RABL3: variants seen among roughly 807,000 people sequenced by gnomAD.
The protein encoded by RABL3 is RAB, member of RAS oncogene family like 3, also known as rab-like protein 3.
In RABL3, 31 loss-of-function variants were observed where a neutral mutation model predicts 31.8. That is an observed-to-expected ratio of 0.97 (90% confidence interval 0.73 to 1.31). The LOEUF is 1.31. Among genes scored for constraint, RABL3 ranks in the 40% most tolerant of loss-of-function variants. The pLI, the probability that RABL3 is intolerant of heterozygous loss-of-function variation, is 0.00. For missense variants in RABL3, 263 were observed against 279.6 expected (o/e 0.94, Z 0.42); for synonymous variants, 97 against 99.9 (o/e 0.97, Z 0.18).
intron 1 of RABL3, among the ~76,000 whole-genome samples, chr3:120,739,039 A>G (rs1709008950): frequency 6.6e-6 from 1 of 152,168 alleles, no homozygotes; most frequent in African/African-American, 2.4e-5. Context: ...CCTCAACAGT[A>G]TCATGTAGTT....
intron 6 of RABL3, among the ~76,000 whole-genome samples, chr3:120,693,877 T>C (rs1241641306): frequency 1.3e-5 from 2 of 152,066 alleles, no homozygotes; most frequent in Non-Finnish European, 2.9e-5. Flanking sequence ...AATGGGTAAG[T>C]AGAAATTCTT....
rs138755688 is a variant in RABL3 at position 120,695,205 on chromosome 3, C to G, written c.535-981G>C. ...CCACATGATTCCTTTCTAATGAAGC[C>G]TCCTATTTTATTCATATGCAACATT... is the stretch of plus-strand genomic sequence containing the variant. On this transcript the variant is annotated intron_variant, in intron 5 of 7. Transcript: ENST00000273375. 3.7e-3 allele frequency among the ~76,000 whole-genome samples: 566 copies of G among 152,070 alleles called. 9 individuals are homozygous for G. The highest frequency in any genetic ancestry group is 0.017 in the East Asian group (90 of 5,182).
rs1055129511 is a variant in RABL3 at position 120,685,958 on chromosome 3, T to C, written c.*3865A>G. On this transcript the variant is annotated 3_prime_UTR_variant, in exon 8 of 8. Transcript: ENST00000273375. The stretch of plus-strand genomic sequence containing the variant: ...GGGGATTCTTACACACTTCAGAGTT[T>C]GAAAGCCCTCCATGTGAGTCCTTAA... Among the ~76,000 whole-genome samples, 2 of 152,232 alleles carry C rather than the reference T, an allele frequency of 1.3e-5. No individual in the cohort carries two copies. Among genetic ancestry groups the C allele is most frequent in the Non-Finnish European group, 2.9e-5 (2 of 68,044 alleles).
intron 2 of RABL3, among the ~76,000 whole-genome samples, chr3:120,718,434 T>G (rs1005283721): frequency 9.9e-5 from 15 of 152,230 alleles, no homozygotes; most frequent in African/African-American, 3.4e-4. Flanking sequence ...TGTACTAGCT[T>G]CCTATTAGCA....
intron 2 of RABL3, chr3:120,710,214 C>CAGA (rs1708597546): frequency 5.4e-6 from 1 of 185,922 alleles, no homozygotes; most frequent in Admixed American, 5.6e-5. Flanking sequence ...TTGTATTCAT[C>CAGA]TGACAAAATT....
chr3:120,729,556 A>G (rs191599969), intron 2 of RABL3, among the ~76,000 whole-genome samples: 1 of 152,354 alleles, frequency 6.6e-6, no homozygotes, highest in Admixed American at 6.5e-5. Context: ...AATTATTAAA[A>G]TAAAAAGCAG....
intron 1 of RABL3, among the ~76,000 whole-genome samples, chr3:120,741,371 G>A (rs1305923700): frequency 6.6e-6 from 1 of 152,200 alleles, no homozygotes; most frequent in Non-Finnish European, 1.5e-5. Flanking sequence ...AGGGCAATGT[G>A]AAAACATTCT....
At chr3:120,733,482 G>A (rs1708913988) in intron 1 of RABL3, among the ~76,000 whole-genome samples, 1 of 151,788 alleles carries the variant, frequency 6.6e-6, no homozygotes, top group African/African-American at 2.4e-5. Context: ...TGAGTAGATT[G>A]CAAACATTTT....
intron 1 of RABL3, among the ~76,000 whole-genome samples, chr3:120,739,227 A>C (rs892323699): frequency 1.3e-5 from 2 of 152,102 alleles, no homozygotes; most frequent in African/African-American, 4.8e-5. Context: ...AAATACAAAA[A>C]TTAGCTGGGC....
chr3:120,740,638 G>A (rs6438593), intron 1 of RABL3, among the ~76,000 whole-genome samples: 2,805 of 152,178 alleles, frequency 0.018, 101 homozygotes, highest in African/African-American at 0.063. Flanking sequence ...ATAAACTTTC[G>A]GGTTTGAAAG....
At chr3:120,742,527 G>A (rs1381844283), upstream of RABL3, 23 of 1,613,698 alleles carry the variant, frequency 1.4e-5, no homozygotes, top group Non-Finnish European at 1.7e-5. Flanking sequence ...GCCTTCCCTG[G>A]GTTAACGCCT....
intron 1 of RABL3, chr3:120,738,808 T>C (rs1382567167): frequency 6.6e-6 from 1 of 152,190 alleles, no homozygotes; most frequent in Non-Finnish European, 1.5e-5. Context: ...TCCATTATTA[T>C]TAGATATTTA....
At chr3:120,695,075 C>G (rs181030220) in intron 5 of RABL3, among the ~76,000 whole-genome samples, 26 of 151,870 alleles carry the variant, frequency 1.7e-4, no homozygotes, top group African/African-American at 6.3e-4. Context: ...ATGTAAGCTC[C>G]TTTGCAAGTA....
intron 1 of RABL3, among the ~76,000 whole-genome samples, chr3:120,733,545 C>G (rs530774858): frequency 6.6e-6 from 1 of 152,216 alleles, no homozygotes; most frequent in Admixed American, 6.5e-5. Flanking sequence ...TTTTGCTGTG[C>G]AGAAGCTAGT....
At chr3:120,733,221 C>G (rs1026146256) in intron 1 of RABL3, among the ~76,000 whole-genome samples, 1 of 152,146 alleles carries the variant, frequency 6.6e-6, no homozygotes, top group African/African-American at 2.4e-5. Flanking sequence ...CTCTCCAGCA[C>G]CTGTTTTTTC....
intron 5 of RABL3, 92 bp from the exon 6 acceptor site, chr3:120,694,316 C>T: frequency 1.3e-6 from 1 of 759,140 alleles, no homozygotes; most frequent in Admixed American, 2.1e-5. Flanking sequence ...TTTCTGTAGG[C>T]ATAATACTAT....
chr3:120,741,056 T>C (rs991063050), intron 1 of RABL3, among the ~76,000 whole-genome samples: 1 of 152,226 alleles, frequency 6.6e-6, no homozygotes. Context: ...GATTGTTAGA[T>C]ACAATAGAAA....
At chr3:120,734,805 G>A (rs1179574979) in intron 1 of RABL3, among the ~76,000 whole-genome samples, 1 of 152,194 alleles carries the variant, frequency 6.6e-6, no homozygotes, top group East Asian at 1.9e-4. Context: ...AGATAATCAT[G>A]TGGTTTTTGT....
At chr3:120,705,506 T>C (rs1326603206) in intron 4 of RABL3, among the ~76,000 whole-genome samples, 1 of 152,196 alleles carries the variant, frequency 6.6e-6, no homozygotes, top group African/African-American at 2.4e-5. Flanking sequence ...GGTCAACTGA[T>C]TTTTGGCAAA....
Sources: allele counts gnomAD v4.1 joint callset (sites outside exome capture counted in the v4.1 genomes callset), GRCh38; gene constraint gnomAD v4.1.1; transcripts MANE v1.5; gene names NCBI Gene and HGNC (gene_info 2026-07-23, HGNC 2026-07-21).